MRPL54: variants seen among roughly 807,000 people sequenced by gnomAD.
The protein encoded by MRPL54 is large ribosomal subunit protein mL54.
In MRPL54, 12 loss-of-function variants were observed where a neutral mutation model predicts 15.6. The ratio of observed to expected loss-of-function variants is 0.77; its 90% confidence interval spans 0.49 to 1.24. MRPL54 has a LOEUF of 1.24. MRPL54 is among the 50% of genes most tolerant of loss of function. The pLI is 0.00. For missense variants in MRPL54, 178 were observed against 186.8 expected (o/e 0.95, Z 0.28); for synonymous variants, 91 against 75.7 (o/e 1.20, Z -1.05).
rs1484068862 is a variant in MRPL54 at position 3,767,306 on chromosome 19, G to A, written c.330G>A (p.Leu110=). The A allele has an allele frequency of 6.2e-7, 1 of 1,612,488 alleles. No individual in the cohort carries two copies. Among genetic ancestry groups the A allele is most frequent in the Admixed American group, 1.7e-5 (1 of 59,710 alleles). Residue 110 remains leucine, a synonymous_variant, in exon 3 of 3, where the codon CTG becomes CTA. Transcript: ENST00000330133. The part of the protein sequence containing the change: ...NLGPPKTLEE[L]DPESREYWRR... ...GTCCCCCAAAGACCCTGGAGGAGCTGGACCCCGAGAGCCGGGAGTACTGGC... is the reference window on the plus strand; with the variant it reads ...GTCCCCCAAAGACCCTGGAGGAGCTAGACCCCGAGAGCCGGGAGTACTGGC...
intron 1 of MRPL54, among the ~76,000 whole-genome samples, chr19:3,763,698 G>A (rs958030560): frequency 6.6e-6 from 1 of 151,812 alleles, no homozygotes; most frequent in African/African-American, 2.4e-5. Context: ...TGGATCACAA[G>A]GTCAGGAATT....
intron 1 of MRPL54, 105 bp from the exon 2 acceptor site, chr19:3,765,061 G>T: frequency 2.6e-6 from 3 of 1,134,678 alleles, no homozygotes; most frequent in Non-Finnish European, 3.7e-6. Flanking sequence ...GAGTGTAGCA[G>T]AGTCCAGCCA....
At chr19:3,766,447 C>T (rs1371153343) in intron 2 of MRPL54, among the ~76,000 whole-genome samples, 1 of 152,180 alleles carries the variant, frequency 6.6e-6, no homozygotes, top group Non-Finnish European at 1.5e-5. Flanking sequence ...CTCCTGACCT[C>T]AGGTGATCCG....
At position 3,765,295 on chromosome 19, in the gene MRPL54, A is replaced by G. The variant is rs1450166149; in HGVS notation, c.248A>G (p.Asp83Gly). 40 of 1,613,888 alleles carry G rather than the reference A, an allele frequency of 2.5e-5. No homozygotes were observed. The highest frequency in any genetic ancestry group is 3.3e-5 in the Non-Finnish European group (39 of 1,179,960). ...GTCAACATCTACAAGGAAGGGCAGG[A>G]TGTACCCCTGAAACCGGATGCTGAG... ...MGVNIYKEGQ[D>G]VPLKPDAEYP... Residue 83 changes from aspartate to glycine, a missense_variant, in exon 2 of 3, where the codon GAT becomes GGT. Transcript: ENST00000330133.
Position 3,765,233 on chromosome 19 carries a change from C to T in MRPL54, c.186C>T (p.Cys62=). ...AGGCCCTCAAGGACCCCGACGTATG[C>T]ACAGATCCTGTCCAGCTCACCACAT... ...TSEALKDPDV[C]TDPVQLTTYA... Residue 62 remains cysteine, a synonymous_variant, in exon 2 of 3, where the codon TGC becomes TGT. Transcript: ENST00000330133. The T allele has an allele frequency of 6.2e-7, 1 of 1,613,984 alleles. No homozygotes were observed. The highest frequency in any genetic ancestry group is 1.7e-5 in the Admixed American group (1 of 60,008).
chr19:3,766,586 A>G lies in MRPL54; in HGVS notation c.285-675A>G, dbSNP rs1454832723. 3.3e-5 allele frequency among the ~76,000 whole-genome samples: 5 copies of G among 152,370 alleles called. 1 individual carries two copies. The highest frequency in any genetic ancestry group is 7.3e-5 in the Non-Finnish European group (5 of 68,034). ...CTTGAGGGATACAGAAGGGCTCAAA[A>G]CAGACACAAGTCCCCACCCTGGCGG... On this transcript the variant is annotated intron_variant, in intron 2 of 2. Transcript: ENST00000330133.
chr19:3,764,300 G>T (rs1035109748), intron 1 of MRPL54, among the ~76,000 whole-genome samples: 8 of 151,962 alleles, frequency 5.3e-5, no homozygotes, highest in Non-Finnish European at 1.2e-4. Flanking sequence ...AGCCAGGATG[G>T]TCTCAACCTC....
rs376575541 is a variant in MRPL54 at position 3,767,312 on chromosome 19, C to T, written c.336C>T (p.Pro112=). The change falls in exon 3 of 3, where the codon CCC becomes CCT. Residue 112 remains proline, a synonymous_variant. Transcript: ENST00000330133. ...GPPKTLEELD[P]ESREYWRRLR... ...CAAAGACCCTGGAGGAGCTGGACCCCGAGAGCCGGGAGTACTGGCGGCGGC... is the reference window on the plus strand; with the variant it reads ...CAAAGACCCTGGAGGAGCTGGACCCTGAGAGCCGGGAGTACTGGCGGCGGC... 118 of 1,612,002 alleles carry T rather than the reference C, an allele frequency of 7.3e-5. No individual in the cohort carries two copies. The highest frequency in any genetic ancestry group is 8.8e-5 in the Non-Finnish European group (104 of 1,179,312).
chr19:3,767,562 C>T lies in MRPL54; in HGVS notation c.*169C>T. The T allele has an allele frequency of 1.1e-6, 1 of 879,700 alleles. No homozygotes were observed. Among genetic ancestry groups the T allele is most frequent in the Non-Finnish European group, 1.7e-6 (1 of 600,620 alleles). The allele number at this position is 879,700 out of a possible 1,614,324, so 54.5% of individuals were successfully genotyped here. ...CCAATAAAGAGCTTTCTGGGTAGAC[C>T]CTATTTCCCCTTGGTATTGTCTGGT... On this transcript the variant is annotated 3_prime_UTR_variant, in exon 3 of 3. Transcript: ENST00000330133.
intron 1 of MRPL54, among the ~76,000 whole-genome samples, chr19:3,764,501 G>A (rs532989349): frequency 6.6e-6 from 1 of 151,728 alleles, no homozygotes; most frequent in African/African-American, 2.4e-5. Context: ...TCCGCCTCCC[G>A]GGTTCAAGTG....
intron 1 of MRPL54, among the ~76,000 whole-genome samples, chr19:3,763,854 G>GA (rs2037174220): frequency 6.6e-6 from 1 of 152,008 alleles, no homozygotes; most frequent in Non-Finnish European, 1.5e-5. Flanking sequence ...GGAGGTTGCA[G>GA]TGAGCCGAGA....
chr19:3,766,380 A>G (rs932317806), intron 2 of MRPL54, among the ~76,000 whole-genome samples: 10 of 150,342 alleles, frequency 6.7e-5, no homozygotes, highest in African/African-American at 2.5e-4. Flanking sequence ...CGCCTGGCCT[A>G]ATTTTGTATT....
chr19:3,763,945 A>C (rs1286898970), intron 1 of MRPL54, among the ~76,000 whole-genome samples: 5 of 150,202 alleles, frequency 3.3e-5, no homozygotes, highest in African/African-American at 9.8e-5. Context: ...AAATAAAAAT[A>C]AGCGGGGCAT....
chr19:3,765,429 C>A, intron 2 of MRPL54, 98 bp downstream of exon 2: 14 of 1,368,400 alleles, frequency 1.0e-5, no homozygotes, highest in Admixed American at 2.2e-5. Flanking sequence ...CCAGCCGGAG[C>A]CTAATAGTCA....
intron 1 of MRPL54, among the ~76,000 whole-genome samples, chr19:3,763,614 A>AT (rs1017873006): frequency 5.6e-5 from 4 of 71,628 alleles, no homozygotes; most frequent in South Asian, 4.3e-4. Context: ...CCCTGTTTGT[A>AT]TAAAAAAAAA....
At chr19:3,765,884 T>G (rs1365153169) in intron 2 of MRPL54, among the ~76,000 whole-genome samples, 2 of 142,702 alleles carry the variant, frequency 1.4e-5, no homozygotes, top group Non-Finnish European at 3.0e-5. Flanking sequence ...GGCAACAGAG[T>G]GAGACTTGGT....
At chr19:3,762,922 C>G in intron 1 of MRPL54, 104 bp downstream of exon 1, 1 of 978,060 alleles carries the variant, frequency 1.0e-6, no homozygotes, top group East Asian at 2.9e-5. Flanking sequence ...GATGCGCAAG[C>G]GCAGAGAGGC....
intron 2 of MRPL54, among the ~76,000 whole-genome samples, chr19:3,766,074 G>C (rs2037195822): frequency 6.7e-6 from 1 of 149,824 alleles, no homozygotes; most frequent in African/African-American, 2.5e-5. Context: ...ACCATGCCTG[G>C]CTAATTTTTT....
At chr19:3,763,615 T>TA (rs60200777) in intron 1 of MRPL54, among the ~76,000 whole-genome samples, 84,639 of 145,274 alleles carry the variant, frequency 0.58, 25,111 homozygotes, top group African/African-American at 0.72. Flanking sequence ...CCTGTTTGTA[T>TA]AAAAAAAAAA....
Sources: allele counts gnomAD v4.1 joint callset (sites outside exome capture counted in the v4.1 genomes callset), GRCh38; gene constraint gnomAD v4.1.1; transcripts MANE v1.5; gene names NCBI Gene and HGNC (gene_info 2026-07-23, HGNC 2026-07-21).